Variants in ARHGEF26 observed in about 807,000 individuals in gnomAD.
ARHGEF26 encodes the protein Rho guanine nucleotide exchange factor 26.
In ARHGEF26, 59 loss-of-function variants were observed where a neutral mutation model predicts 89.4. That is an observed-to-expected ratio of 0.66 (90% CI 0.54 to 0.82). ARHGEF26 has a LOEUF of 0.82. ARHGEF26 is among the 40% of genes least tolerant of loss of function. The pLI, the probability that ARHGEF26 is intolerant of heterozygous loss-of-function variation, is 0.00. For synonymous variants in ARHGEF26, 500 were observed against 428.4 expected (o/e 1.17, Z -2.06); for missense variants, 1,234 against 1,085.6 (o/e 1.14, Z -1.92).
At chr3:154,240,317 TGTCA>T in intron 11 of ARHGEF26, 49 bp from the exon 12 acceptor site, 1 of 1,404,386 alleles carries the variant, frequency 7.1e-7, no homozygotes, top group Non-Finnish European at 9.7e-7. Flanking sequence ...AAACTGACAA[TGTCA>T]GTCTTATCTG....
At chr3:154,140,588 C>T (rs370247276) in intron 4 of ARHGEF26, among the ~76,000 whole-genome samples, 48 of 134,892 alleles carry the variant, frequency 3.6e-4, no homozygotes, top group African/African-American at 1.3e-3. Flanking sequence ...TTTCTGAGTG[C>T]TTTTTTTTTT....
intron 6 of ARHGEF26, among the ~76,000 whole-genome samples, chr3:154,186,488 C>T (rs1278991688): frequency 6.6e-6 from 1 of 152,028 alleles, no homozygotes; most frequent in Non-Finnish European, 1.5e-5. Context: ...TGGCCGGGTG[C>T]AGTGGCTCAC....
chr3:154,207,016 A>T (rs1162119131), intron 9 of ARHGEF26, among the ~76,000 whole-genome samples: 4 of 152,192 alleles, frequency 2.6e-5, no homozygotes, highest in African/African-American at 9.7e-5. Context: ...TGGAGAAAGG[A>T]TTTCCTATTA....
intron 4 of ARHGEF26, among the ~76,000 whole-genome samples, chr3:154,133,651 C>T (rs903029144): frequency 3.4e-4 from 52 of 151,922 alleles, no homozygotes; most frequent in South Asian, 1.0e-3. Context: ...GTGATGCCTC[C>T]GGCTTTATTC....
chr3:154,126,305 C>G (rs1286386314), intron 3 of ARHGEF26, among the ~76,000 whole-genome samples: 1 of 152,118 alleles, frequency 6.6e-6, no homozygotes, highest in Non-Finnish European at 1.5e-5. Flanking sequence ...CAAAATGCCC[C>G]AAACCAAACT....
intron 9 of ARHGEF26, among the ~76,000 whole-genome samples, chr3:154,198,764 T>C (rs1714440300): frequency 1.3e-5 from 2 of 152,012 alleles, no homozygotes; most frequent in South Asian, 2.1e-4. Flanking sequence ...AGAGTACACA[T>C]TGGGCACAGT....
At chr3:154,211,299 G>A (rs559487153) in intron 9 of ARHGEF26, among the ~76,000 whole-genome samples, 45 of 152,272 alleles carry the variant, frequency 3.0e-4, no homozygotes, top group African/African-American at 1.1e-3. Flanking sequence ...GGCCTTGGTG[G>A]TGAGAACTCA....
At chr3:154,227,293 T>A (rs898437593) in intron 11 of ARHGEF26, among the ~76,000 whole-genome samples, 2 of 2,128 alleles carry the variant, frequency 9.4e-4, no homozygotes, top group Non-Finnish European at 1.3e-3. Context: ...TAAGTAAAAA[T>A]TTTTTTTTTT....
At chr3:154,131,011 G>A (rs114283565) in intron 4 of ARHGEF26, among the ~76,000 whole-genome samples, 2,078 of 152,260 alleles carry the variant, frequency 0.014, 40 homozygotes, top group African/African-American at 0.047. Flanking sequence ...TACACCAAGC[G>A]CTTTCTCCCT....
In ARHGEF26 at chr3:154,152,777, C is replaced by T. The variant is rs1192156316; in HGVS notation, c.1332C>T (p.Ile444=). The T allele has an allele frequency of 6.7e-7, 1 of 1,498,134 alleles. No homozygotes were observed. Among genetic ancestry groups the T allele is most frequent in the Non-Finnish European group, 8.9e-7 (1 of 1,123,364 alleles). The allele number at this position is 1,498,134 out of a possible 1,614,324, so 92.8% of individuals were successfully genotyped here. A position where few individuals can be genotyped will look rare whatever the true frequency, so the allele number is the denominator to read the frequency against. The change falls in exon 6 of 15, where the codon ATC becomes ATT. Residue 444 remains isoleucine (I), a synonymous_variant. Transcript: ENST00000465093. ...SQEERKRQEA[I]FEVISSEHSY... is the part of the protein sequence containing the mutation. ...TTCTTTTTCCTTCTTACCAGGCTATCTTTGAAGTCATATCCTCTGAACATT... is the reference window on the plus strand; with the variant it reads ...TTCTTTTTCCTTCTTACCAGGCTATTTTTGAAGTCATATCCTCTGAACATT...
chr3:154,240,581 T>G lies in ARHGEF26; in HGVS notation c.2300+2T>G. The stretch of plus-strand genomic sequence containing the variant: ...GATGCTACTAGGAGCTGAGACGCAG[T>G]AAGTATATGTGGGGAAAAGATTGGA... On this transcript the variant is annotated splice_donor_variant, in intron 12 of 14. Coordinates refer to ENST00000465093, the MANE Select transcript of ARHGEF26 (RefSeq NM_015595.4). LOFTEE classifies it high-confidence loss of function. The G allele has an allele frequency of 6.2e-7, 1 of 1,602,492 alleles. No homozygotes were observed. The highest frequency in any genetic ancestry group is 8.5e-7 in the Non-Finnish European group (1 of 1,174,064).
chr3:154,215,559 C>A (rs975847244), intron 9 of ARHGEF26, among the ~76,000 whole-genome samples: 2 of 151,868 alleles, frequency 1.3e-5, no homozygotes, highest in African/African-American at 4.8e-5. Flanking sequence ...GCTGCTGTAA[C>A]AGAGTACCAT....
At chr3:154,175,632 G>A (rs147096707) in intron 6 of ARHGEF26, among the ~76,000 whole-genome samples, 152 of 152,276 alleles carry the variant, frequency 1.0e-3, no homozygotes, top group Middle Eastern at 3.4e-3. Context: ...TTACAAATTA[G>A]AACCTACAAA....
chr3:154,241,000 C>G (rs932949554), intron 12 of ARHGEF26, among the ~76,000 whole-genome samples: 1 of 152,182 alleles, frequency 6.6e-6, no homozygotes, highest in Non-Finnish European at 1.5e-5. Flanking sequence ...AACCAGAGAG[C>G]AGAAAGCCCA....
chr3:154,215,347 T>G (rs1003177725), intron 9 of ARHGEF26, among the ~76,000 whole-genome samples: 4 of 152,194 alleles, frequency 2.6e-5, no homozygotes, highest in African/African-American at 9.6e-5. Context: ...CCCTCCCCAC[T>G]TCCCACTCCC....
At chr3:154,135,709 C>G (rs148814176) in intron 4 of ARHGEF26, among the ~76,000 whole-genome samples, 1 of 152,314 alleles carries the variant, frequency 6.6e-6, no homozygotes, top group Non-Finnish European at 1.5e-5. Flanking sequence ...AGGGATGGAA[C>G]ACTGTGTACT....
intron 6 of ARHGEF26, among the ~76,000 whole-genome samples, chr3:154,166,669 C>CA (rs1162667339): frequency 1.3e-5 from 2 of 152,128 alleles, no homozygotes; most frequent in Non-Finnish European, 2.9e-5. Context: ...AATCCATTTG[C>CA]AATGCCTGTG....
chr3:154,198,727 A>G (rs915116347), intron 9 of ARHGEF26, among the ~76,000 whole-genome samples: 2 of 151,988 alleles, frequency 1.3e-5, no homozygotes, highest in Non-Finnish European at 2.9e-5. Flanking sequence ...GGACTTGGGG[A>G]GAAGGGGGAA....
At chr3:154,166,265 T>C (rs941282543) in intron 6 of ARHGEF26, among the ~76,000 whole-genome samples, 1 of 152,148 alleles carries the variant, frequency 6.6e-6, no homozygotes, top group Non-Finnish European at 1.5e-5. Flanking sequence ...TTAGCCAGAA[T>C]GGTCTCGATC....
Sources: allele counts gnomAD v4.1 joint callset (sites outside exome capture counted in the v4.1 genomes callset), GRCh38; gene constraint gnomAD v4.1.1; transcripts MANE v1.5; gene names NCBI Gene and HGNC (gene_info 2026-07-23, HGNC 2026-07-21).